The following ZNF536 variants were observed in gnomAD, a reference collection of about 807,000 sequenced individuals.
ZNF536 encodes zinc finger protein 536.
A neutral mutation model predicts 84.5 loss-of-function variants in ZNF536; 13 were observed. That is an observed-to-expected ratio of 0.15 (90% confidence interval 0.10 to 0.24). The LOEUF is 0.24. Among genes scored for constraint, ZNF536 ranks in the 10% least tolerant of loss-of-function variants. ZNF536 has a pLI of 1.00. For synonymous variants in ZNF536, 811 were observed against 742.5 expected, an observed-to-expected ratio of 1.09 and a Z score of -1.50; for missense variants, 1,536 against 1,747.5, an observed-to-expected ratio of 0.88 and a Z score of 2.16.
intron 1 of ZNF536, among the ~76,000 whole-genome samples, chr19:30,633,922 C>T (rs2048975714): frequency 6.6e-6 from 1 of 152,014 alleles, no homozygotes; most frequent in South Asian, 2.1e-4. Flanking sequence ...TTAAAGATGT[C>T]ATCTTTTTCT....
chr19:30,696,162 G>T (rs1249026261), intron 1 of ZNF536, among the ~76,000 whole-genome samples: 1 of 152,142 alleles, frequency 6.6e-6, no homozygotes, highest in East Asian at 1.9e-4. Flanking sequence ...CTGAAAAGTG[G>T]TCAGCTTGGT....
chr19:30,632,446 A>G (rs1220375187), intron 1 of ZNF536, among the ~76,000 whole-genome samples: 1 of 152,120 alleles, frequency 6.6e-6, no homozygotes, highest in East Asian at 1.9e-4. Context: ...TCTCTACTAA[A>G]AATACAAAAA....
At chr19:30,669,190 GTC>G (rs1334637981) in intron 1 of ZNF536, among the ~76,000 whole-genome samples, 1 of 152,216 alleles carries the variant, frequency 6.6e-6, no homozygotes, top group Non-Finnish European at 1.5e-5. Context: ...GGCGCTCCCT[GTC>G]TGTTTTTGGA....
rs143296497 is a variant in ZNF536, at chr19:30,551,946, C to T, written c.3895+2432C>T. Among the ~76,000 whole-genome samples, 1,237 of 152,218 alleles carry T rather than the reference C, an allele frequency of 8.1e-3. 14 individuals are homozygous for T. The highest frequency in any genetic ancestry group is 0.029 in the African/African-American group (1,184 of 41,522). On this transcript the variant is annotated intron_variant, in intron 4 of 4. Coordinates refer to ENST00000355537, the MANE Select transcript of ZNF536 (RefSeq NM_014717.3). ...TTGCAGTCCTCTTCTTATTTTCTTGCGGGCTACTGTGATATCCCAGAAGGT... is the reference window on the plus strand; with the variant it reads ...TTGCAGTCCTCTTCTTATTTTCTTGTGGGCTACTGTGATATCCCAGAAGGT...
chr19:30,440,178 C>A (rs1049820017), intron 1 of ZNF536, among the ~76,000 whole-genome samples: 1 of 151,764 alleles, frequency 6.6e-6, no homozygotes, highest in African/African-American at 2.4e-5. Context: ...TCAGGCTGAT[C>A]GCGAACTCCT....
intron 1 of ZNF536, among the ~76,000 whole-genome samples, chr19:30,234,216 G>A (rs67879743): frequency 0.17 from 25,718 of 151,906 alleles, 2,354 homozygotes; most frequent in Middle Eastern, 0.24. Context: ...TTCTATCTAG[G>A]CATTACAGCT....
In ZNF536 at chr19:30,518,117, C is replaced by A. The variant is rs144747268; in HGVS notation, c.2171-16730C>A. On this transcript the variant is annotated intron_variant, in intron 2 of 4. Coordinates refer to ENST00000355537, the MANE Select transcript of ZNF536 (RefSeq NM_014717.3). ...AGATCAGCCTCTCTGTGGCTTTGAA[C>A]CCAGGGTGCAGAAGCCTGATCCAGT... Among the ~76,000 whole-genome samples the A allele has an allele frequency of 2.1e-3, 318 of 152,246 alleles. 1 individual carries two copies. Among genetic ancestry groups the A allele is most frequent in the East Asian group, 0.011 (59 of 5,144 alleles).
At chr19:30,394,808 G>A (rs2049747197) in intron 1 of ZNF536, among the ~76,000 whole-genome samples, 1 of 152,156 alleles carries the variant, frequency 6.6e-6, no homozygotes, top group Non-Finnish European at 1.5e-5. Context: ...GAGCTCAAGA[G>A]AAAAGTTGAG....
At chr19:30,344,782 G>A (rs1202792858) in intron 2 of ZNF536, among the ~76,000 whole-genome samples, 1 of 152,168 alleles carries the variant, frequency 6.6e-6, no homozygotes, top group African/African-American at 2.4e-5. Flanking sequence ...TCACAGTTGG[G>A]AAAGTCAAGG....
chr19:30,695,402 G>A (rs1027121722), intron 1 of ZNF536, among the ~76,000 whole-genome samples: 2 of 152,350 alleles, frequency 1.3e-5, no homozygotes, highest in South Asian at 4.1e-4. Context: ...GCCTCCTAGA[G>A]CCATTAGCGA....
intron 1 of ZNF536, among the ~76,000 whole-genome samples, chr19:30,651,118 G>A (rs2049684825): frequency 6.6e-6 from 1 of 152,210 alleles, no homozygotes; most frequent in Non-Finnish European, 1.5e-5. Flanking sequence ...GAGAACCCGG[G>A]ATAAGGTTGG....
intron 1 of ZNF536, among the ~76,000 whole-genome samples, chr19:30,679,684 G>A (rs1015411750): frequency 2.0e-5 from 3 of 152,198 alleles, no homozygotes; most frequent in South Asian, 2.1e-4. Context: ...GGTGCGTGTC[G>A]GCTCCCGGCA....
chr19:30,628,842 T>C (rs2048786859), intron 1 of ZNF536, among the ~76,000 whole-genome samples: 1 of 152,062 alleles, frequency 6.6e-6, no homozygotes, highest in South Asian at 2.1e-4. Flanking sequence ...GTAGCTGGGA[T>C]TACAGGCATG....
intron 1 of ZNF536, among the ~76,000 whole-genome samples, chr19:30,232,913 C>T (rs73021614): frequency 0.17 from 25,807 of 152,212 alleles, 2,365 homozygotes; most frequent in Middle Eastern, 0.24. Flanking sequence ...TCTATATCTC[C>T]CTTGGGGAGA....
intron 1 of ZNF536, among the ~76,000 whole-genome samples, chr19:30,595,220 G>A (rs894525801): frequency 6.6e-6 from 1 of 152,118 alleles, no homozygotes; most frequent in East Asian, 1.9e-4. Flanking sequence ...TCAGGGGTTG[G>A]CCATTGCCTT....
chr19:30,517,539 C>T (rs1332295202), intron 2 of ZNF536, among the ~76,000 whole-genome samples: 1 of 152,118 alleles, frequency 6.6e-6, no homozygotes, highest in East Asian at 1.9e-4. Flanking sequence ...GAAATGCTGA[C>T]CATGTGTGAG....
intron 1 of ZNF536, among the ~76,000 whole-genome samples, chr19:30,419,364 G>T (rs2050860304): frequency 6.6e-6 from 1 of 152,120 alleles, no homozygotes. Flanking sequence ...GTTTGTTCTA[G>T]GAGTGGAAAA....
intron 2 of ZNF536, among the ~76,000 whole-genome samples, chr19:30,326,801 T>TTTTG (rs2047046467): frequency 1.6e-5 from 2 of 127,292 alleles, no homozygotes; most frequent in South Asian, 2.9e-4. Context: ...CTTTTTTTTT[T>TTTTG]TTTTTTTTTT....
At chr19:30,468,459 G>A (rs964826514) in intron 2 of ZNF536, among the ~76,000 whole-genome samples, 3 of 152,126 alleles carry the variant, frequency 2.0e-5, no homozygotes, top group African/African-American at 4.8e-5. Context: ...CCAGGCACAG[G>A]GCAGGTGCTG....
Sources: gnomAD v4.1 joint callset for allele counts (sites outside exome capture counted in the v4.1 genomes callset) on GRCh38, gnomAD v4.1.1 for gene constraint, MANE v1.5 for transcripts, NCBI Gene and HGNC (gene_info 2026-07-23, HGNC 2026-07-21) for gene names.